Variants in WWOX observed in about 807,000 individuals in gnomAD.
WWOX encodes WW domain containing oxidoreductase, also known as WW domain-containing oxidoreductase.
A neutral mutation model predicts 46.2 loss-of-function variants in WWOX; 69 were observed. The ratio of observed to expected loss-of-function variants is 1.49; its 90% confidence interval spans 1.23 to 1.82. WWOX has a LOEUF of 1.82. Ranked by LOEUF, WWOX falls within the 40% of genes most tolerant of loss-of-function variation. The pLI is 0.00. For missense variants in WWOX, 919 were observed against 542.6 expected (o/e 1.69, Z -6.89); for synonymous variants, 359 against 202.6 (o/e 1.77, Z -6.56).
intron 8 of WWOX, among the ~76,000 whole-genome samples, chr16:78,776,255 A>C (rs1030236696): frequency 3.9e-5 from 6 of 151,992 alleles, no homozygotes; most frequent in African/African-American, 1.5e-4. Context: ...AGCACAGGCT[A>C]CATTGGCTTG....
chr16:78,889,022 C>CATTT (rs1483315946), intron 8 of WWOX, among the ~76,000 whole-genome samples: 2 of 152,000 alleles, frequency 1.3e-5, no homozygotes, highest in Non-Finnish European at 1.5e-5. Context: ...AGAAACTGAC[C>CATTT]ATTTATCCCA....
At chr16:78,844,715 A>G (rs1055613260) in intron 8 of WWOX, among the ~76,000 whole-genome samples, 23 of 152,222 alleles carry the variant, frequency 1.5e-4, no homozygotes, top group African/African-American at 4.8e-4. Context: ...AAGCTGGGCA[A>G]CTGTCTGCCT....
chr16:78,922,099 G>A (rs753233119), intron 8 of WWOX, among the ~76,000 whole-genome samples: 4 of 152,180 alleles, frequency 2.6e-5, no homozygotes, highest in Non-Finnish European at 4.4e-5. Context: ...CTGAGCCTCT[G>A]TGTTCAGAGT....
In WWOX at chr16:78,721,404, C is replaced by G. The variant is rs180872225; in HGVS notation, c.1056+288652C>G. On this transcript the variant is annotated intron_variant, in intron 8 of 8. Transcript: ENST00000566780. ...AATCTGTGTAGTGACAACAATTATT[C>G]TTATTGTATGAACATATTGTCGGCT... Among the ~76,000 whole-genome samples the G allele has an allele frequency of 1.3e-3, 197 of 151,864 alleles. 1 individual carries two copies. Among genetic ancestry groups the G allele is most frequent in the African/African-American group, 4.6e-3 (189 of 41,476 alleles).
intron 8 of WWOX, among the ~76,000 whole-genome samples, chr16:78,954,603 C>T (rs1434959800): frequency 6.6e-6 from 1 of 152,072 alleles, no homozygotes; most frequent in South Asian, 2.1e-4. Context: ...TGGAAACAGA[C>T]ACATAAATAA....
At chr16:78,623,080 C>A (rs1369043419) in intron 8 of WWOX, among the ~76,000 whole-genome samples, 1 of 151,848 alleles carries the variant, frequency 6.6e-6, no homozygotes, top group African/African-American at 2.4e-5. Context: ...TTGACCATCC[C>A]CAGTCAAGCC....
chr16:78,846,637 C>T (rs2052306231), intron 8 of WWOX, among the ~76,000 whole-genome samples: 1 of 152,026 alleles, frequency 6.6e-6, no homozygotes, highest in African/African-American at 2.4e-5. Context: ...GTGATGTTAG[C>T]CTTGACCTCT....
At chr16:78,875,179 T>G (rs1450535204) in intron 8 of WWOX, among the ~76,000 whole-genome samples, 1 of 152,188 alleles carries the variant, frequency 6.6e-6, no homozygotes, top group African/African-American at 2.4e-5. Context: ...TTGCATGAGA[T>G]TAAGCCGCTG....
intron 6 of WWOX, among the ~76,000 whole-genome samples, chr16:78,424,409 C>T (rs138062658): frequency 0.016 from 2,445 of 152,254 alleles, 31 homozygotes; most frequent in Middle Eastern, 0.051. Context: ...CGTGAGCCCC[C>T]GCGCCTGGCC....
At chr16:78,216,364 T>C (rs1049812753) in intron 5 of WWOX, among the ~76,000 whole-genome samples, 1 of 152,180 alleles carries the variant, frequency 6.6e-6, no homozygotes, top group Non-Finnish European at 1.5e-5. Context: ...CCAAGTGTAT[T>C]AGTTTCTGCT....
At chr16:78,432,152 C>G (rs1478422803) in intron 7 of WWOX, among the ~76,000 whole-genome samples, 2 of 149,670 alleles carry the variant, frequency 1.3e-5, no homozygotes, top group Non-Finnish European at 2.9e-5. Context: ...GAGTCTAGCT[C>G]TGTCACCCAG....
chr16:78,682,056 A>G (rs1045310570), intron 8 of WWOX, among the ~76,000 whole-genome samples: 2 of 152,208 alleles, frequency 1.3e-5, no homozygotes, highest in African/African-American at 4.8e-5. Context: ...GCTCCAAATG[A>G]CTGTGACGAC....
At chr16:78,601,336 A>G (rs1380377044) in intron 8 of WWOX, among the ~76,000 whole-genome samples, 1 of 152,126 alleles carries the variant, frequency 6.6e-6, no homozygotes, top group East Asian at 1.9e-4. Context: ...CAGATTCTGG[A>G]GAGACACTCA....
At chr16:78,152,617 A>G (rs16947188) in intron 4 of WWOX, among the ~76,000 whole-genome samples, 8,577 of 152,258 alleles carry the variant, frequency 0.056, 437 homozygotes, top group East Asian at 0.3. Flanking sequence ...GTCTAGGACC[A>G]TGTTAATTGT....
chr16:78,221,149 C>G (rs2036873643), intron 5 of WWOX, among the ~76,000 whole-genome samples: 1 of 152,148 alleles, frequency 6.6e-6, no homozygotes, highest in African/African-American at 2.4e-5. Flanking sequence ...TTGAAACACT[C>G]TTTACTGTTG....
At chr16:78,541,535 G>C (rs1384611586) in intron 8 of WWOX, among the ~76,000 whole-genome samples, 1 of 120,332 alleles carries the variant, frequency 8.3e-6, no homozygotes, top group East Asian at 2.7e-4. Flanking sequence ...TGTTCTGACA[G>C]AAATACACTG....
chr16:78,202,140 C>T (rs909965098), intron 5 of WWOX, among the ~76,000 whole-genome samples: 1 of 152,196 alleles, frequency 6.6e-6, no homozygotes, highest in Non-Finnish European at 1.5e-5. Context: ...ACAATTTTGA[C>T]ATGGCTCCTG....
intron 8 of WWOX, among the ~76,000 whole-genome samples, chr16:79,189,101 C>G (rs1110910): frequency 0.45 from 68,564 of 151,956 alleles, 16,105 homozygotes; most frequent in South Asian, 0.67. Flanking sequence ...AAAAACTTGT[C>G]TGCTAGAAAC....
At chr16:78,779,066 T>A (rs1298185072) in intron 8 of WWOX, among the ~76,000 whole-genome samples, 1 of 151,508 alleles carries the variant, frequency 6.6e-6, no homozygotes, top group East Asian at 1.9e-4. Flanking sequence ...CGGAAGGGAT[T>A]CATAGAGATC....
Sources: gnomAD v4.1 joint callset for allele counts (sites outside exome capture counted in the v4.1 genomes callset) on GRCh38, gnomAD v4.1.1 for gene constraint, MANE v1.5 for transcripts, NCBI Gene and HGNC (gene_info 2026-07-23, HGNC 2026-07-21) for gene names.